TNIK: variants seen among roughly 807,000 people sequenced by gnomAD.
TNIK encodes TRAF2 and NCK interacting kinase, also known as TRAF2 and NCK-interacting protein kinase.
In TNIK, 49 loss-of-function variants were observed where a neutral mutation model predicts 191.3. That is an observed-to-expected ratio of 0.26 (90% CI 0.20 to 0.32). TNIK has a LOEUF of 0.32. TNIK is among the 10% of genes least tolerant of loss of function. TNIK has a pLI of 1.00. For missense variants in TNIK, 1,155 were observed against 1,702.3 expected (o/e 0.68, Z 5.66); for synonymous variants, 594 against 600.9 (o/e 0.99, Z 0.17).
chr3:171,419,360 G>A (rs1391826435), intron 1 of TNIK, among the ~76,000 whole-genome samples: 1 of 152,200 alleles, frequency 6.6e-6, no homozygotes, highest in Non-Finnish European at 1.5e-5. Flanking sequence ...TGGGGATAGA[G>A]TTGAAGGAAA....
intron 2 of TNIK, among the ~76,000 whole-genome samples, chr3:171,364,498 CA>C (rs1468299199): frequency 6.6e-6 from 1 of 152,008 alleles, no homozygotes; most frequent in Non-Finnish European, 1.5e-5. Context: ...AAAGAATTAT[CA>C]AGGAAAACAT....
In TNIK at chr3:171,085,134, C is replaced by T. The variant is rs1277628872; in HGVS notation, c.2982G>A (p.Glu994=). The T allele has an allele frequency of 6.2e-7, 1 of 1,609,462 alleles. No individual in the cohort carries two copies. Among genetic ancestry groups the T allele is most frequent in the East Asian group, 2.2e-5 (1 of 44,824 alleles). The change falls in exon 25 of 33, where the codon GAG becomes GAA. Residue 994 remains glutamate, a synonymous_variant. Transcript: ENST00000436636. ...TSPTDEDEED[E]ESSAAALFTS... Reference sequence around the variant, plus strand: ...CTTGCTTACCTGCGGCTGATGATTCCTCATCCTCTTCATCTTCATCAGTGG... The same window carrying T: ...CTTGCTTACCTGCGGCTGATGATTCTTCATCCTCTTCATCTTCATCAGTGG...
intron 22 of TNIK, among the ~76,000 whole-genome samples, chr3:171,096,474 T>C (rs1420890002): frequency 6.6e-6 from 1 of 152,190 alleles, no homozygotes; most frequent in Non-Finnish European, 1.5e-5. Flanking sequence ...CCTGTCTCAC[T>C]AACCTAATTT....
In TNIK at chr3:171,444,582, A is replaced by G. The variant is rs552846849; in HGVS notation, c.57+15425T>C. On this transcript the variant is annotated intron_variant, in intron 1 of 32. Coordinates refer to ENST00000436636, the MANE Select transcript of TNIK (RefSeq NM_015028.4). The stretch of plus-strand genomic sequence containing the variant: ...ACCTTGAATAAACTTGCTAAAAAAA[A>G]AAAAAAAAAGAAAAAGACATGTCAA... Among the ~76,000 whole-genome samples the G allele has an allele frequency of 5.9e-3, 895 of 152,072 alleles. 3 individuals carry two copies. The highest frequency in any genetic ancestry group is 0.01 in the Non-Finnish European group (710 of 67,994).
intron 4 of TNIK, among the ~76,000 whole-genome samples, chr3:171,205,941 C>A (rs923955455): frequency 2.6e-5 from 4 of 152,156 alleles, no homozygotes; most frequent in Non-Finnish European, 5.9e-5. Context: ...GGCCTCACCT[C>A]CTAATACCAT....
At chr3:171,295,245 C>T (rs1009327764) in intron 2 of TNIK, among the ~76,000 whole-genome samples, 2 of 152,170 alleles carry the variant, frequency 1.3e-5, no homozygotes, top group African/African-American at 4.8e-5. Flanking sequence ...GGGAACTATG[C>T]ACTAGGTTAT....
rs76914464 is a variant in TNIK at position 171,288,320 on chromosome 3, TAAA to T, written c.124-60102_124-60100del. On this transcript the variant is annotated intron_variant, in intron 2 of 32. Coordinates refer to ENST00000436636, the MANE Select transcript of TNIK (RefSeq NM_015028.4). ...GTACCCTAAAACTTAAAGTATAATT[TAAA>T]AAAAAAAAAAAAGAAAATATTTGGG... 4.3e-5 allele frequency among the ~76,000 whole-genome samples: 6 copies of T among 138,596 alleles called. No homozygotes were observed. The South Asian group carries it at 9.3e-4, about 21-fold the overall frequency. 90.9% of individuals were successfully genotyped at this position (138,596 alleles called of 152,430 possible).
At chr3:171,297,114 T>C (rs1401914317) in intron 2 of TNIK, among the ~76,000 whole-genome samples, 1 of 152,158 alleles carries the variant, frequency 6.6e-6, no homozygotes, top group Admixed American at 6.6e-5. Flanking sequence ...GGTGTCGTTT[T>C]CAGTGTTGGC....
At chr3:171,066,079 T>A in intron 32 of TNIK, 108 bp downstream of exon 32, 1 of 1,406,416 alleles carries the variant, frequency 7.1e-7, no homozygotes, top group Non-Finnish European at 9.7e-7. Context: ...ATATTGATTG[T>A]TTAACACAGA....
chr3:171,368,032 G>A (rs1357942014), intron 2 of TNIK, among the ~76,000 whole-genome samples: 1 of 152,042 alleles, frequency 6.6e-6, no homozygotes, highest in Non-Finnish European at 1.5e-5. Flanking sequence ...AAAAAGATCT[G>A]AGACCTCTTG....
chr3:171,095,427 C>G (rs896656996), intron 22 of TNIK, among the ~76,000 whole-genome samples: 1 of 152,166 alleles, frequency 6.6e-6, no homozygotes, highest in African/African-American at 2.4e-5. Context: ...TGTTGTTCTC[C>G]TATTTTAGCA....
rs144445568 is a variant in TNIK at position 171,099,919 on chromosome 3, C to T, written c.2591+1530G>A. ...TAATGAACATCTTTGGTTGTTCCTC[C>T]AAATGTTTATATTAGCCTGCAGTTT... On this transcript the variant is annotated intron_variant, in intron 22 of 32. Transcript: ENST00000436636. 2.5e-3 allele frequency among the ~76,000 whole-genome samples: 377 copies of T among 152,244 alleles called. 1 individual carries two copies. Among genetic ancestry groups the T allele is most frequent in the African/African-American group, 8.8e-3 (365 of 41,552 alleles).
chr3:171,424,225 T>C (rs529060027), intron 1 of TNIK, among the ~76,000 whole-genome samples: 239 of 152,212 alleles, frequency 1.6e-3, no homozygotes, highest in African/African-American at 5.6e-3. Context: ...AAAAGACACA[T>C]GAAAAAATGC....
chr3:171,325,522 T>C (rs1458012541), intron 2 of TNIK, among the ~76,000 whole-genome samples: 5 of 152,146 alleles, frequency 3.3e-5, no homozygotes, highest in African/African-American at 1.2e-4. Flanking sequence ...TAATTATCTG[T>C]TATCTGAAAT....
chr3:171,273,973 A>G (rs1749428361), intron 2 of TNIK, among the ~76,000 whole-genome samples: 1 of 152,234 alleles, frequency 6.6e-6, no homozygotes, highest in Non-Finnish European at 1.5e-5. Flanking sequence ...CTGTCACCCC[A>G]ATATCCTGAT....
At chr3:171,377,089 G>A (rs1577690656) in intron 1 of TNIK, among the ~76,000 whole-genome samples, 1 of 152,292 alleles carries the variant, frequency 6.6e-6, no homozygotes, top group African/African-American at 2.4e-5. Flanking sequence ...TTTTGGGAAG[G>A]GCTGTCCTGA....
At chr3:171,382,952 A>G (rs560091675) in intron 1 of TNIK, among the ~76,000 whole-genome samples, 74 of 152,312 alleles carry the variant, frequency 4.9e-4, no homozygotes, top group African/African-American at 1.4e-3. Flanking sequence ...ATTTGAGAAG[A>G]ACTGCTTCAC....
chr3:171,137,366 C>A (rs532658787), intron 15 of TNIK, among the ~76,000 whole-genome samples: 1 of 151,796 alleles, frequency 6.6e-6, no homozygotes, highest in South Asian at 2.1e-4. Flanking sequence ...CCAAAACATC[C>A]TTTTAAATGA....
intron 1 of TNIK, among the ~76,000 whole-genome samples, chr3:171,411,828 C>A (rs377743096): frequency 1.3e-5 from 2 of 152,280 alleles, no homozygotes; most frequent in East Asian, 3.9e-4. Flanking sequence ...AGCTGATCCC[C>A]GCCAGCAACT....
Sources: allele counts gnomAD v4.1 joint callset (sites outside exome capture counted in the v4.1 genomes callset), GRCh38; gene constraint gnomAD v4.1.1; transcripts MANE v1.5; gene names NCBI Gene and HGNC (gene_info 2026-07-23, HGNC 2026-07-21).